Variants in CRACDL observed in about 807,000 individuals in gnomAD.
The protein encoded by CRACDL is CRACD like, also known as CRACD-like protein.
Under a neutral mutation model 70.6 loss-of-function variants are expected in CRACDL, and 26 were observed. The observed-to-expected ratio is 0.37, with a 90% confidence interval of 0.27 to 0.51. The LOEUF (loss-of-function observed/expected upper bound fraction) is 0.51, where lower values mean the gene tolerates loss of function less well. CRACDL is among the 20% of genes least tolerant of loss of function. The pLI is 0.94. For synonymous variants in CRACDL, 618 were observed against 615.2 expected (o/e 1.00, Z -0.07); for missense variants, 1,283 against 1,376.9 (o/e 0.93, Z 1.08).
At position 98,897,502 on chromosome 2, in the gene CRACDL, A is replaced by C. The variant is rs944761492; in HGVS notation, c.-11+38436T>G. 6.9e-6 allele frequency: 5 copies of C among 726,578 alleles called. No homozygotes were observed. The African/African-American group carries it at 9.2e-5, about 13-fold the overall frequency. 45.0% of individuals were successfully genotyped at this position (726,578 alleles called of 1,614,324 possible). A position where few individuals can be genotyped will look rare whatever the true frequency, so the allele number is the denominator to read the frequency against. On this transcript the variant is annotated intron_variant, in intron 1 of 9. Transcript: ENST00000397899. ...TTCTGCTGAAACAGATGAGCAAAACACCAAAACCTTGAAGGTTTCATAACT... is the reference window on the plus strand; with the variant it reads ...TTCTGCTGAAACAGATGAGCAAAACCCCAAAACCTTGAAGGTTTCATAACT...
At chr2:98,811,374 T>C (rs1411135747) in intron 7 of CRACDL, among the ~76,000 whole-genome samples, 3 of 151,460 alleles carry the variant, frequency 2.0e-5, no homozygotes, top group Non-Finnish European at 2.9e-5. Flanking sequence ...TAGCTAGGCA[T>C]GGTGGTGTGC....
chr2:98,918,835 T>C (rs1445349701), intron 1 of CRACDL, among the ~76,000 whole-genome samples: 1 of 152,216 alleles, frequency 6.6e-6, no homozygotes, highest in Non-Finnish European at 1.5e-5. Flanking sequence ...TGGATATTAG[T>C]CCCCTATTGG....
chr2:98,929,048 T>A (rs750434328), intron 1 of CRACDL, among the ~76,000 whole-genome samples: 2 of 152,180 alleles, frequency 1.3e-5, no homozygotes, highest in Non-Finnish European at 2.9e-5. Flanking sequence ...TCACCTCCAC[T>A]GGCCAAGCTA....
At position 98,823,109 on chromosome 2, in the gene CRACDL, C is replaced by T. The variant is rs754455638; in HGVS notation, c.1164G>A (p.Ala388=). 63 of 1,577,220 alleles carry T rather than the reference C, an allele frequency of 4.0e-5. 2 individuals carry two copies. In the South Asian group the frequency reaches 6.3e-4, roughly 16 times the overall value. ...AGPCAPATDK[A]EEVVCAPEDV... is the part of the protein sequence containing the mutation. ...CTTCGGGAGCACAGACCACCTCCTCCGCCTTGTCCGTGGCCGGGGCACACG... is the reference window on the plus strand; with the variant it reads ...CTTCGGGAGCACAGACCACCTCCTCTGCCTTGTCCGTGGCCGGGGCACACG... The change falls in exon 7 of 10, where the codon GCG becomes GCA. Residue 388 remains alanine, a synonymous_variant. Transcript: ENST00000397899. This position sits in a 1 kb window ranked among gnomAD's most constrained non-coding sequence, Gnocchi z 4.0.
chr2:98,798,423 G>A (rs1418765963), intron 7 of CRACDL, among the ~76,000 whole-genome samples: 7 of 119,626 alleles, frequency 5.9e-5, no homozygotes, highest in Admixed American at 3.4e-4. Flanking sequence ...CAGCCTGGGC[G>A]ACAGAGCGAG....
rs182748840 is a variant in CRACDL, at chr2:98,885,335, G to A, written c.-10-38525C>T. 1.8e-4 allele frequency among the ~76,000 whole-genome samples: 27 copies of A among 152,296 alleles called. No homozygotes were observed. The East Asian group carries it at 4.2e-3, about 24-fold the overall frequency. On this transcript the variant is annotated intron_variant, in intron 1 of 9. Coordinates refer to ENST00000397899, the MANE Select transcript of CRACDL (RefSeq NM_207362.3). ...AAAGGTCTCTCTTTTAACTTATGCC[G>A]AGGAGCTGCTAAACCAAGGGGGAGG...
At chr2:98,870,514 G>A (rs2104596201) in intron 1 of CRACDL, among the ~76,000 whole-genome samples, 1 of 151,854 alleles carries the variant, frequency 6.6e-6, no homozygotes, top group East Asian at 1.9e-4. Flanking sequence ...CAACGACTTG[G>A]CCTTCTCCCA....
intron 7 of CRACDL, among the ~76,000 whole-genome samples, chr2:98,816,366 C>T (rs768861634): frequency 9.2e-5 from 14 of 152,056 alleles, no homozygotes; most frequent in Admixed American, 2.0e-4. Context: ...GGTAGGATTA[C>T]GAGGTGATTT....
chr2:98,929,219 C>A (rs1359829456), intron 1 of CRACDL, among the ~76,000 whole-genome samples: 1 of 152,206 alleles, frequency 6.6e-6, no homozygotes. Flanking sequence ...GGTTAGAAAG[C>A]AGGCAAAGAG....
chr2:98,910,745 G>C (rs1012730453), intron 1 of CRACDL, among the ~76,000 whole-genome samples: 1 of 152,170 alleles, frequency 6.6e-6, no homozygotes, highest in African/African-American at 2.4e-5. Flanking sequence ...CAGTTCACCA[G>C]GCCTAGCTCC....
rs1297795809 is a variant in CRACDL at position 98,821,984 on chromosome 2, G to C, written c.2289C>G (p.Pro763=). The C allele has an allele frequency of 1.3e-6, 2 of 1,530,190 alleles. No individual in the cohort carries two copies. 94.8% of individuals were successfully genotyped at this position (1,530,190 alleles called of 1,614,324 possible). Residue 763 remains proline, a synonymous_variant, in exon 7 of 10, where the codon CCC becomes CCG. Transcript: ENST00000397899. ...PEPLSSKPPL[P]RKPLLQSFTL... is the part of the protein sequence containing the mutation. ...TGAAGCTCTGCAGAAGCGGCTTCCG[G>C]GGCAGGGGCGGCTTGGAGCTGAGCG...
chr2:98,839,478 TCAA>T (rs1705927966), intron 2 of CRACDL, among the ~76,000 whole-genome samples: 2 of 152,258 alleles, frequency 1.3e-5, no homozygotes, highest in Admixed American at 1.3e-4. Flanking sequence ...TTTTGCCTAG[TCAA>T]CAAATTGGTA....
intron 7 of CRACDL, among the ~76,000 whole-genome samples, chr2:98,817,639 C>T (rs190406365): frequency 9.3e-4 from 141 of 152,264 alleles, no homozygotes; most frequent in African/African-American, 3.0e-3. Context: ...AGGGTCAGTC[C>T]CCTGTGCTCT....
chr2:98,804,943 T>C (rs1704224089), intron 7 of CRACDL, among the ~76,000 whole-genome samples: 1 of 152,120 alleles, frequency 6.6e-6, no homozygotes, highest in African/African-American at 2.4e-5. Context: ...CCTTAGACAA[T>C]GAGAACGGAC....
chr2:98,897,203 G>A lies in CRACDL; in HGVS notation c.-11+38735C>T, dbSNP rs183176396. On this transcript the variant is annotated intron_variant, in intron 1 of 9. Coordinates refer to ENST00000397899, the MANE Select transcript of CRACDL (RefSeq NM_207362.3). The stretch of plus-strand genomic sequence containing the variant: ...TTGAGAATGTCACAAAAATGGAATC[G>A]TACAGTATGTAACATTTTGAGACTG... 2.0e-3 allele frequency among the ~76,000 whole-genome samples: 300 copies of A among 152,208 alleles called. 3 individuals carry two copies. The highest frequency in any genetic ancestry group is 6.9e-3 in the African/African-American group (287 of 41,538).
chr2:98,823,298 C>G lies in CRACDL; in HGVS notation c.975G>C (p.Gly325=). ...TTGAGGGGTCCTCCCCGGGGACGCC[C>G]CCCTCCTCCACGCTGGCCGTGAGCG... ...SSALTASVEE[G]GVPGEDPSSR... The change falls in exon 7 of 10, where the codon GGG becomes GGC. Residue 325 remains glycine, a synonymous_variant. Coordinates refer to ENST00000397899, the MANE Select transcript of CRACDL (RefSeq NM_207362.3). The surrounding 1 kb of genome is among the most constrained non-coding windows in gnomAD (Gnocchi z 4.0). The G allele has an allele frequency of 7.0e-7, 1 of 1,426,216 alleles. No individual in the cohort carries two copies. The highest frequency in any genetic ancestry group is 9.1e-7 in the Non-Finnish European group (1 of 1,101,234). The allele number at this position is 1,426,216 out of a possible 1,614,324, so 88.3% of individuals were successfully genotyped here.
At chr2:98,811,639 G>A (rs1704569812) in intron 7 of CRACDL, among the ~76,000 whole-genome samples, 3 of 151,712 alleles carry the variant, frequency 2.0e-5, no homozygotes, top group Admixed American at 1.3e-4. Flanking sequence ...GTCACAAACA[G>A]GATACAGAAT....
At chr2:98,935,748 C>T (rs760451175) in intron 1 of CRACDL, among the ~76,000 whole-genome samples, 190 bp downstream of exon 1, 65 of 152,306 alleles carry the variant, frequency 4.3e-4, no homozygotes, top group Non-Finnish European at 8.2e-4. Context: ...CCCCCTCGGC[C>T]GCAGGAGCTG....
chr2:98,889,144 A>C (rs563902901), intron 1 of CRACDL, among the ~76,000 whole-genome samples: 2 of 149,640 alleles, frequency 1.3e-5, no homozygotes, highest in Non-Finnish European at 3.0e-5. Flanking sequence ...AGGGGGGGGA[A>C]GAAAAGAAAA....
Sources: allele counts gnomAD v4.1 joint callset (sites outside exome capture counted in the v4.1 genomes callset), GRCh38; gene constraint gnomAD v4.1.1; non-coding constraint Gnocchi (gnomAD v3.1); transcripts MANE v1.5; gene names NCBI Gene and HGNC (gene_info 2026-07-23, HGNC 2026-07-21).